NEURL4: variants seen among roughly 807,000 people sequenced by gnomAD.
The protein encoded by NEURL4 is neuralized-like protein 4.
NEURL4 carries 45 observed loss-of-function variants against 148.0 expected under a neutral mutation model. The ratio of observed to expected loss-of-function variants is 0.30; its 90% CI spans 0.24 to 0.39. NEURL4 has a LOEUF of 0.39. Ranked by LOEUF, NEURL4 falls within the 10% of genes least tolerant of loss-of-function variation. NEURL4 has a pLI of 1.00. For synonymous variants in NEURL4, 854 were observed against 869.0 expected, an observed-to-expected ratio of 0.98 and a Z score of 0.30; for missense variants, 1,776 against 2,144.0, an observed-to-expected ratio of 0.83 and a Z score of 3.39.
chr17:7,325,700 A>G lies in NEURL4; in HGVS notation c.1307T>C (p.Ile436Thr). 1.2e-6 allele frequency: 2 copies of G among 1,613,568 alleles called. No homozygotes were observed. Among genetic ancestry groups the G allele is most frequent in the Non-Finnish European group, 1.7e-6 (2 of 1,179,806 alleles). The change falls in exon 7 of 29, where the codon ATT becomes ACT. Residue 436 changes from isoleucine to threonine, a missense_variant. Physicochemically the swap from Ile to Thr is moderately conservative, Grantham distance 89. Transcript: ENST00000399464. ...SLDELQEGDH[I>T]GLTRKSNSAL... ...AGAGTTGGACTTCCTTGTGAGGCCA[A>G]TGTGGTCACCCTCCTAATCAAAGAA... is the stretch of plus-strand genomic sequence containing the variant.
rs752401751 is a variant in NEURL4 at position 7,321,292 on chromosome 17, C to A, written c.3199-19G>T. Reference sequence around the variant, plus strand: ...ACACGTTCTGGGAGGCACACAAGACCCAGAAAATCAGAGATCAGCAGAAGA... The same window carrying A: ...ACACGTTCTGGGAGGCACACAAGACACAGAAAATCAGAGATCAGCAGAAGA... On this transcript the variant is annotated intron_variant, in intron 19 of 28. Transcript: ENST00000399464. The surrounding 1 kb of genome is among the most constrained non-coding windows in gnomAD (Gnocchi z 6.3). The A allele has an allele frequency of 6.2e-7, 1 of 1,612,912 alleles. No individual in the cohort carries two copies. Among genetic ancestry groups the A allele is most frequent in the South Asian group, 1.1e-5 (1 of 91,044 alleles).
chr17:7,321,223 A>C lies in NEURL4; in HGVS notation c.3249T>G (p.Ile1083Met). Residue 1083 changes from isoleucine (I) to methionine (M), a missense_variant, in exon 20 of 29, where the codon ATT becomes ATG. Physicochemically the swap from Ile to Met is conservative, Grantham distance 10 (BLOSUM62 1). Coordinates refer to ENST00000399464, the MANE Select transcript of NEURL4 (RefSeq NM_032442.3). The surrounding 1 kb of genome is among the most constrained non-coding windows in gnomAD (Gnocchi z 6.3). ...ACTCCTCCAGTCTCGTGGAACTGAC[A>C]ATTGACACACCGCGGACTGGCCCGT... The part of the protein sequence containing the change: ...DLYGPVRGVS[I>M]VSSTRLEESE... 6.2e-7 allele frequency: 1 copy of C among 1,614,038 alleles called. No homozygotes were observed.
intron 14 of NEURL4, 111 bp downstream of exon 14, chr17:7,323,374 G>C (rs1385622961): frequency 6.2e-6 from 7 of 1,132,672 alleles, no homozygotes; most frequent in Non-Finnish European, 9.2e-6. Context: ...GGGACAGGTA[G>C]ATCCCCTAGG....
In NEURL4 at chr17:7,325,455, G is replaced by A. The variant is rs1263905819; in HGVS notation, c.1385C>T (p.Thr462Met). The change falls in exon 8 of 29, where the codon ACG (threonine) becomes ATG (methionine). Residue 462 changes from threonine (T) to methionine (M), a missense_variant. Physicochemically the swap from Thr to Met is moderately conservative, Grantham distance 81 (BLOSUM62 -1). Transcript: ENST00000399464. ...GIDQGVATPL[T>M]PPVVYGVVDL... ...CACCACACCATACACCACTGGGGGC[G>A]TCAAGGGGGTTGCCACTCCTGTGGC... 3.1e-6 allele frequency: 5 copies of A among 1,611,744 alleles called. No individual in the cohort carries two copies. Among genetic ancestry groups the A allele is most frequent in the Admixed American group, 3.3e-5 (2 of 59,858 alleles).
Position 7,321,339 on chromosome 17 carries a change from C to T in NEURL4, c.3198+22G>A. The T allele has an allele frequency of 6.2e-7, 1 of 1,613,862 alleles. No individual in the cohort carries two copies. Among genetic ancestry groups the T allele is most frequent in the Non-Finnish European group, 8.5e-7 (1 of 1,179,860 alleles). The stretch of plus-strand genomic sequence containing the variant: ...AAGACCTCAACCATCCTCCCAGAAC[C>T]CAAGGAAGCGTTCAGGTCTACCTTG... On this transcript the variant is annotated intron_variant, in intron 19 of 28. Transcript: ENST00000399464. This position sits in a 1 kb window ranked among gnomAD's most constrained non-coding sequence, Gnocchi z 6.3.
Position 7,327,379 on chromosome 17 carries a change from GTCAC to G in NEURL4, c.727+57_727+60del, listed in dbSNP as rs771331698. On this transcript the variant is annotated intron_variant, in intron 2 of 28. Coordinates refer to ENST00000399464, the MANE Select transcript of NEURL4 (RefSeq NM_032442.3). The surrounding 1 kb of genome is among the most constrained non-coding windows in gnomAD (Gnocchi z 6.6). ...GCCCTGCCCACACCCAGCCTGTCTTGTCACTCTATTTCCCCCATTCCGTCCCCAC... is the reference window on the plus strand; with the variant it reads ...GCCCTGCCCACACCCAGCCTGTCTTGTCTATTTCCCCCATTCCGTCCCCAC... 2.7e-6 allele frequency: 4 copies of G among 1,468,416 alleles called. No individual in the cohort carries two copies. The highest frequency in any genetic ancestry group is 3.7e-6 in the Non-Finnish European group (4 of 1,084,074). The allele number at this position is 1,468,416 out of a possible 1,614,324, so 91.0% of individuals were successfully genotyped here.
chr17:7,320,765 C>G lies in NEURL4; in HGVS notation c.3519G>C (p.Leu1173=). Residue 1173 remains leucine, a synonymous_variant, in exon 21 of 29, where the codon CTG becomes CTC. Transcript: ENST00000399464. ...ATAGGGAGGGAGAACCCACCTGCAC[C>G]AGCAGCTGGGGCACCAGAGGTTGGT... ...VINQPLVPQL[L]VQVRIDFLNR... 1 of 1,613,108 alleles carries G rather than the reference C, an allele frequency of 6.2e-7. No individual in the cohort carries two copies. The highest frequency in any genetic ancestry group is 2.2e-5 in the East Asian group (1 of 44,880).
chr17:7,319,302 T>C (rs552640464), intron 21 of NEURL4, 94 bp from the exon 22 acceptor site: 34 of 1,116,228 alleles, frequency 3.0e-5, no homozygotes, highest in Non-Finnish European at 4.0e-5. Flanking sequence ...CCTCCCAGAA[T>C]GTGGCCTGGG....
Position 7,327,683 on chromosome 17 carries a change from C to T in NEURL4, c.484G>A (p.Glu162Lys). The part of the protein sequence containing the change: ...QLGEGDRVGV[E>K]RTVAGELRLW... ...CGAAGCTCCCCAGCAACTGTGCGCTCCACGCCCACGCGGTCCCCTTCACCA... is the reference window on the plus strand; with the variant it reads ...CGAAGCTCCCCAGCAACTGTGCGCTTCACGCCCACGCGGTCCCCTTCACCA... Residue 162 changes from glutamate to lysine, a missense_variant, in exon 2 of 29, where the codon GAG becomes AAG. Coordinates refer to ENST00000399464, the MANE Select transcript of NEURL4 (RefSeq NM_032442.3). The surrounding 1 kb of genome is among the most constrained non-coding windows in gnomAD (Gnocchi z 6.6). The T allele has an allele frequency of 6.2e-7, 1 of 1,614,032 alleles. No individual in the cohort carries two copies. The highest frequency in any genetic ancestry group is 8.5e-7 in the Non-Finnish European group (1 of 1,180,040).
At position 7,322,611 on chromosome 17, in the gene NEURL4, T is replaced by C; in HGVS notation, c.2725+124A>G. The C allele has an allele frequency of 1.5e-6, 2 of 1,317,498 alleles. No individual in the cohort carries two copies. The highest frequency in any genetic ancestry group is 1.3e-5 in the South Asian group (1 of 76,548). 81.6% of individuals were successfully genotyped at this position (1,317,498 alleles called of 1,614,324 possible). On this transcript the variant is annotated intron_variant, in intron 16 of 28. Coordinates refer to ENST00000399464, the MANE Select transcript of NEURL4 (RefSeq NM_032442.3). This position sits in a 1 kb window ranked among gnomAD's most constrained non-coding sequence, Gnocchi z 5.5. ...GCTGCTTGCCACCGTGGGCTGTCCCTTCCCTGGAGCCGGCAGCTACCCCAG... is the reference window on the plus strand; with the variant it reads ...GCTGCTTGCCACCGTGGGCTGTCCCCTCCCTGGAGCCGGCAGCTACCCCAG...
intron 21 of NEURL4, among the ~76,000 whole-genome samples, chr17:7,319,850 G>C (rs1030957577): frequency 6.6e-6 from 1 of 151,140 alleles, no homozygotes; most frequent in Non-Finnish European, 1.5e-5. Flanking sequence ...TTTTTATTGA[G>C]ACGGAGTCTC....
At chr17:7,319,374 CTTTTTTTTTTTTTT>C (rs374281551) in intron 21 of NEURL4, among the ~76,000 whole-genome samples, 166 bp from the exon 22 acceptor site, 2 of 113,882 alleles carry the variant, frequency 1.8e-5, no homozygotes, top group African/African-American at 4.3e-5. Flanking sequence ...TTCTTTCCCT[CTTTTTTTTTTTTTT>C]TTTTTTTTTT....
Position 7,322,953 on chromosome 17 carries a change from C to G in NEURL4, c.2588G>C (p.Gly863Ala). Residue 863 changes from glycine (G) to alanine (A), a missense_variant, in exon 15 of 29, where the codon GGT (glycine) becomes GCT (alanine). By Grantham distance (60) the Gly-to-Ala change is moderately conservative. Transcript: ENST00000399464. The surrounding 1 kb of genome is among the most constrained non-coding windows in gnomAD (Gnocchi z 5.5). ...QGAACSGLPPGKEVYAVVDLY... is the reference protein window; with the variant it reads ...QGAACSGLPPAKEVYAVVDLY... The stretch of plus-strand genomic sequence containing the variant: ...GCTGAAAGCCACATAGTCACCTTTA[C>G]CCGGAGGCAGGCCCGAGCAGGCAGC... The G allele has an allele frequency of 6.2e-7, 1 of 1,613,530 alleles. No homozygotes were observed. The highest frequency in any genetic ancestry group is 2.2e-5 in the East Asian group (1 of 44,876).
Position 7,315,787 on chromosome 17 carries a change from C to A in NEURL4, c.*336G>T. 1.9e-6 allele frequency: 1 copy of A among 513,440 alleles called. No individual in the cohort carries two copies. The highest frequency in any genetic ancestry group is 3.4e-6 in the Non-Finnish European group (1 of 291,112). 31.8% of individuals were successfully genotyped at this position (513,440 alleles called of 1,614,324 possible). A position where few individuals can be genotyped will look rare whatever the true frequency, so the allele number is the denominator to read the frequency against. On this transcript the variant is annotated 3_prime_UTR_variant, in exon 29 of 29. Transcript: ENST00000399464. ...CACAGGGAGAGACTCCTCTGGGATT[C>A]ACAGTAACCAGAAACAAAAACGGAA... is the stretch of plus-strand genomic sequence containing the variant.
At chr17:7,325,841 T>C (rs2073097417) in intron 6 of NEURL4, 128 bp from the exon 7 acceptor site, 1 of 765,426 alleles carries the variant, frequency 1.3e-6, no homozygotes, top group Non-Finnish European at 2.3e-6. Context: ...TCCTGGGTCC[T>C]TGTTTTCCAG....
intron 25 of NEURL4, 21 bp from the exon 26 acceptor site, chr17:7,317,953 G>C: frequency 6.2e-7 from 1 of 1,614,004 alleles, no homozygotes; most frequent in Non-Finnish European, 8.5e-7. Flanking sequence ...GTGAGTAGCA[G>C]GCTTGGTGCT....
In NEURL4 at chr17:7,327,067, C is replaced by A; in HGVS notation, c.794-58G>T. 6.2e-7 allele frequency: 1 copy of A among 1,600,178 alleles called. No homozygotes were observed. Among genetic ancestry groups the A allele is most frequent in the South Asian group, 1.1e-5 (1 of 90,908 alleles). ...AAGTTGGGATGAGGCTCTACACCCC[C>A]AGACCTGGTGCCTCTCTCCCTACCC... On this transcript the variant is annotated intron_variant, in intron 3 of 28. Transcript: ENST00000399464. This position sits in a 1 kb window ranked among gnomAD's most constrained non-coding sequence, Gnocchi z 6.6.
chr17:7,326,597 G>A lies in NEURL4; in HGVS notation c.1093-49C>T, dbSNP rs1334232184. On this transcript the variant is annotated intron_variant, in intron 4 of 28. Transcript: ENST00000399464. This position sits in a 1 kb window ranked among gnomAD's most constrained non-coding sequence, Gnocchi z 6.0. The stretch of plus-strand genomic sequence containing the variant: ...GAAGCAGGGAATGTAAATGCAGAAA[G>A]GGACCTTCAGCCCTTGGTTCTTCCC... 1 of 1,607,670 alleles carries A rather than the reference G, an allele frequency of 6.2e-7. No homozygotes were observed. Among genetic ancestry groups the A allele is most frequent in the African/African-American group, 1.3e-5 (1 of 74,788 alleles).
Position 7,321,464 on chromosome 17 carries a change from G to A in NEURL4, c.3100-5C>T, listed in dbSNP as rs778302451. The A allele has an allele frequency of 6.2e-7, 1 of 1,613,868 alleles. No individual in the cohort carries two copies. The highest frequency in any genetic ancestry group is 2.2e-5 in the East Asian group (1 of 44,870). On this transcript the variant is annotated splice_region_variant and splice_polypyrimidine_tract_variant and intron_variant, in intron 18 of 28. Transcript: ENST00000399464. The surrounding 1 kb of genome is among the most constrained non-coding windows in gnomAD (Gnocchi z 6.3). The stretch of plus-strand genomic sequence containing the variant: ...AACACCCACACGGCTCCCCACCTAG[G>A]ACCGAGGTAGGACAAGGACGGACGA...
Sources: gnomAD v4.1 joint callset for allele counts (sites outside exome capture counted in the v4.1 genomes callset) on GRCh38, gnomAD v4.1.1 for gene constraint, Gnocchi (gnomAD v3.1) non-coding constraint, MANE v1.5 for transcripts, NCBI Gene and HGNC (gene_info 2026-07-23, HGNC 2026-07-21) for gene names.